The following SZT2 variants were observed in gnomAD, a reference collection of about 807,000 sequenced individuals.
The protein encoded by SZT2 is KICSTOR complex protein SZT2.
A neutral mutation model predicts 404.2 loss-of-function variants in SZT2; 216 were observed. That is an observed-to-expected ratio of 0.53 (90% CI 0.48 to 0.60). The LOEUF (loss-of-function observed/expected upper bound fraction) is 0.60. Among genes scored for constraint, SZT2 ranks in the 20% least tolerant of loss-of-function variants. The pLI is 0.00. For synonymous variants in SZT2, 1,693 were observed against 1,749.9 expected, an observed-to-expected ratio of 0.97 and a Z score of 0.81; for missense variants, 3,857 against 4,459.2, an observed-to-expected ratio of 0.86 and a Z score of 3.85.
In SZT2 at chr1:43,453,631, C is replaced by A. The variant is rs749053928; in HGVS notation, c.*3151C>A. On this transcript the variant is annotated 3_prime_UTR_variant, in exon 72 of 72. Coordinates refer to ENST00000634258, the MANE Select transcript of SZT2 (RefSeq NM_001365999.1). ...TTGATCAGTACAAGCCGCAGCCCCG[C>A]TTCTCGCGCGGCGCGCGCCAGCGCC... The A allele has an allele frequency of 5.2e-5, 77 of 1,494,524 alleles. No homozygotes were observed. Among genetic ancestry groups the A allele is most frequent in the Non-Finnish European group, 2.7e-6 (3 of 1,128,220 alleles). The allele number at this position is 1,494,524 out of a possible 1,614,324, so 92.6% of individuals were successfully genotyped here.
At chr1:43,435,061 C>T in intron 41 of SZT2, 139 bp from the exon 42 acceptor site, 10 of 1,020,690 alleles carry the variant, frequency 9.8e-6, no homozygotes, top group Non-Finnish European at 1.2e-5. Context: ...TTTGACCTCT[C>T]TGTGATGACT....
chr1:43,449,889 C>G (rs1394972866), intron 70 of SZT2: 4 of 630,202 alleles, frequency 6.3e-6, no homozygotes, highest in Non-Finnish European at 1.1e-5. Flanking sequence ...CAACTGTTAC[C>G]CCTCATTCTG....
Position 43,430,648 on chromosome 1 carries a change from A to T in SZT2, c.4633A>T (p.Ser1545Cys). 6.2e-7 allele frequency: 1 copy of T among 1,614,096 alleles called. No homozygotes were observed. Among genetic ancestry groups the T allele is most frequent in the Non-Finnish European group, 8.5e-7 (1 of 1,180,022 alleles). The change falls in exon 32 of 72, where the codon AGT (serine) becomes TGT (cysteine). Residue 1545 changes from serine (S) to cysteine (C), a missense_variant. Ser to Cys is a moderately radical substitution (Grantham distance 112, BLOSUM62 -1). Transcript: ENST00000634258. ...DTVNPDEDSF[S>C]ILGGDSPTGP... ...TGTGAATCCTGATGAAGACTCCTTC[A>T]GTATCTTGGGGGGCGACTCACCCAC... is the stretch of plus-strand genomic sequence containing the variant.
chr1:43,435,416 G>A, intron 42 of SZT2, 87 bp downstream of exon 42: 2 of 1,492,552 alleles, frequency 1.3e-6, no homozygotes, highest in East Asian at 4.6e-5. Flanking sequence ...TGAGGGCAGA[G>A]TCCTCATTAC....
intron 1 of SZT2, among the ~76,000 whole-genome samples, chr1:43,391,828 TCCC>T (rs1340389282): frequency 0.56 from 58,284 of 104,514 alleles, 18,758 homozygotes; most frequent in Middle Eastern, 0.61. Flanking sequence ...ACGCCTGTAA[TCCC>T]AGCACTTTGG....
chr1:43,398,290 G>GA (rs1292417289), intron 1 of SZT2, among the ~76,000 whole-genome samples: 2 of 152,114 alleles, frequency 1.3e-5, no homozygotes, highest in East Asian at 1.9e-4. Flanking sequence ...GTGGTGGGGA[G>GA]AAAAAACCAT....
chr1:43,422,589 T>TTCGTACTAG lies in SZT2; in HGVS notation c.1883_1891dup (p.Val628_Val630dup). ...CTCTCTGCTGCGGGACTGGAGCAGC[T>TTCGTACTAG]TCGTACTAGTCGAGGGCTATTCTTA... On this transcript the variant is annotated inframe_insertion, in exon 13 of 72. Coordinates refer to ENST00000634258, the MANE Select transcript of SZT2 (RefSeq NM_001365999.1). The TTCGTACTAG allele has an allele frequency of 2.5e-6, 4 of 1,597,914 alleles. No homozygotes were observed. Among genetic ancestry groups the TTCGTACTAG allele is most frequent in the Non-Finnish European group, 3.4e-6 (4 of 1,179,638 alleles).
In SZT2 at chr1:43,453,422, T is replaced by C. The variant is rs776939158; in HGVS notation, c.*2942T>C. 1.3e-6 allele frequency: 2 copies of C among 1,560,704 alleles called. No homozygotes were observed. Among genetic ancestry groups the C allele is most frequent in the Non-Finnish European group, 1.7e-6 (2 of 1,151,528 alleles). On this transcript the variant is annotated 3_prime_UTR_variant, in exon 72 of 72. Transcript: ENST00000634258. ...CAGGGCTTTGGCATACCGCACGGCCTGCTCCAGTCCCTCTCGGAAGGCCGC... is the reference window on the plus strand; with the variant it reads ...CAGGGCTTTGGCATACCGCACGGCCCGCTCCAGTCCCTCTCGGAAGGCCGC...
intron 66 of SZT2, 50 bp from the exon 67 acceptor site, chr1:43,447,495 G>A: frequency 6.3e-7 from 1 of 1,590,534 alleles, no homozygotes; most frequent in Non-Finnish European, 8.6e-7. Context: ...CCAGACCAGT[G>A]TGTCTGTCCT....
intron 10 of SZT2, 70 bp from the exon 11 acceptor site, chr1:43,421,104 C>A (rs533535750): frequency 8.1e-6 from 13 of 1,595,938 alleles, no homozygotes; most frequent in Non-Finnish European, 1.1e-5. Flanking sequence ...GGTCCCATGT[C>A]CCCCTAAGGC....
Position 43,428,086 on chromosome 1 carries a change from T to C in SZT2, c.3887T>C (p.Leu1296Pro). 2 of 1,614,158 alleles carry C rather than the reference T, an allele frequency of 1.2e-6. No homozygotes were observed. Among genetic ancestry groups the C allele is most frequent in the South Asian group, 1.1e-5 (1 of 91,084 alleles). ...YKEAANHCAL[L>P]QEHAQRCYVR... Reference sequence around the variant, plus strand: ...GAGGCAGCTAACCACTGTGCCCTGCTGCAGGAGCATGCACAGCGGTGCTAT... The same window carrying C: ...GAGGCAGCTAACCACTGTGCCCTGCCGCAGGAGCATGCACAGCGGTGCTAT... Residue 1296 changes from leucine to proline, a missense_variant, in exon 27 of 72, where the codon CTG (leucine) becomes CCG (proline). Around this residue, in one of 7 missense-constraint regions of SZT2, gnomAD observed 1,725 missense variants for 1,881.0 expected, o/e 0.92. Coordinates refer to ENST00000634258, the MANE Select transcript of SZT2 (RefSeq NM_001365999.1).
chr1:43,396,174 T>C (rs1648972002), intron 1 of SZT2, among the ~76,000 whole-genome samples: 1 of 152,200 alleles, frequency 6.6e-6, no homozygotes, highest in Non-Finnish European at 1.5e-5. Flanking sequence ...TTTTAAGTTG[T>C]AAAGTAGACC....
At position 43,422,666 on chromosome 1, in the gene SZT2, C is replaced by T. The variant is rs1188290208; in HGVS notation, c.1922+34C>T. The T allele has an allele frequency of 3.9e-6, 3 of 778,150 alleles. No homozygotes were observed. The East Asian group carries it at 2.0e-4, about 53-fold the overall frequency. 48.2% of individuals were successfully genotyped at this position (778,150 alleles called of 1,614,324 possible). ...AGTGATGTCCCTTCACCCCCCGCCC[C>T]CCCACCCCCCCGCCACCTCATCCCA... is the stretch of plus-strand genomic sequence containing the variant. On this transcript the variant is annotated intron_variant, in intron 13 of 71. Transcript: ENST00000634258.
At chr1:43,409,046 T>C (rs574770907) in intron 4 of SZT2, among the ~76,000 whole-genome samples, 1 of 152,256 alleles carries the variant, frequency 6.6e-6, no homozygotes, top group South Asian at 2.1e-4. Context: ...TTATTTATGT[T>C]TGAAGTAGAA....
intron 1 of SZT2, among the ~76,000 whole-genome samples, chr1:43,399,756 C>T (rs764879365): frequency 3.5e-4 from 52 of 150,378 alleles, no homozygotes; most frequent in Non-Finnish European, 3.9e-4. Context: ...CCATGGTGCC[C>T]GGCCACCAGA....
chr1:43,439,987 C>A lies in SZT2; in HGVS notation c.7149C>A (p.Ala2383=). The change falls in exon 51 of 72, where the codon GCC becomes GCA. Residue 2383 remains alanine, a synonymous_variant. Transcript: ENST00000634258. This position sits in a 1 kb window ranked among gnomAD's most constrained non-coding sequence, Gnocchi z 4.2. ...GAGGAGCAGCTCGCCAGGCCCTGGC[C>A]GATGCCATCATCGAGCTTCAGCTGC... The part of the protein sequence containing the change: ...KLRGAARQAL[A]DAIIELQLLP... 1 of 1,614,108 alleles carries A rather than the reference C, an allele frequency of 6.2e-7. No homozygotes were observed. Among genetic ancestry groups the A allele is most frequent in the Non-Finnish European group, 8.5e-7 (1 of 1,180,006 alleles).
rs1462678715 is a variant in SZT2, at chr1:43,416,554, TG to T, written c.796del (p.Val266Ter). 1 of 1,598,160 alleles carries T rather than the reference TG, an allele frequency of 6.3e-7. No individual in the cohort carries two copies. Among genetic ancestry groups the T allele is most frequent in the Non-Finnish European group, 8.5e-7 (1 of 1,179,762 alleles). Reference sequence around the variant, plus strand: ...CTCCAGGGATTATCGTGATCACGGATGGGGTGACCAGTGTACCTGATGTTGC... The same window carrying T: ...CTCCAGGGATTATCGTGATCACGGATGGGTGACCAGTGTACCTGATGTTGC... ...SSAGIIVITDGVTSVPDVAVC... is the reference protein window; with the variant it reads ...SSAGIIVITDXVTSVPDVAVC... On this transcript the variant is annotated frameshift_variant, in exon 7 of 72. Transcript: ENST00000634258. LOFTEE classifies it high-confidence loss of function.
At chr1:43,392,594 T>C (rs1211971969) in intron 1 of SZT2, among the ~76,000 whole-genome samples, 1 of 152,196 alleles carries the variant, frequency 6.6e-6, no homozygotes, top group Non-Finnish European at 1.5e-5. Context: ...TTTTGTGTTT[T>C]TAGTAAAGAC....
At chr1:43,422,320 C>G (rs1366731307) in intron 12 of SZT2, 95 bp downstream of exon 12, 1 of 1,494,136 alleles carries the variant, frequency 6.7e-7, no homozygotes, top group East Asian at 2.3e-5. Context: ...TGAGCTCTTA[C>G]CAACTGTGGC....
Sources: allele counts gnomAD v4.1 joint callset (sites outside exome capture counted in the v4.1 genomes callset), GRCh38; gene constraint gnomAD v4.1.1; regional missense constraint gnomAD v4.1.1; non-coding constraint Gnocchi (gnomAD v3.1); transcripts MANE v1.5; gene names NCBI Gene and HGNC (gene_info 2026-07-23, HGNC 2026-07-21).